The following DCHS2 variants were observed in gnomAD, a reference collection of about 807,000 sequenced individuals.
The protein encoded by DCHS2 is dachsous cadherin-related 2, also known as protocadherin-23.
In DCHS2, 142 loss-of-function variants were observed where a neutral mutation model predicts 182.4. The ratio of observed to expected loss-of-function variants is 0.78; its 90% CI spans 0.68 to 0.89. The LOEUF is 0.89. Among genes scored for constraint, DCHS2 ranks in the 40% least tolerant of loss-of-function variants. The pLI is 0.00. For missense variants in DCHS2, 4,319 were observed against 4,198.6 expected, an observed-to-expected ratio of 1.03 and a Z score of -0.79; for synonymous variants, 1,740 against 1,663.3, an observed-to-expected ratio of 1.05 and a Z score of -1.12.
intron 1 of DCHS2, among the ~76,000 whole-genome samples, chr4:154,445,541 TG>T (rs1487327713): frequency 6.6e-6 from 1 of 152,200 alleles, no homozygotes; most frequent in Non-Finnish European, 1.5e-5. Flanking sequence ...CCGGGCATGG[TG>T]GTTCACACTT....
chr4:154,325,575 A>G (rs1223726646), intron 7 of DCHS2, among the ~76,000 whole-genome samples: 1 of 152,134 alleles, frequency 6.6e-6, no homozygotes. Context: ...GAAATTTGAG[A>G]AGTAACAAAA....
At chr4:154,419,626 G>A (rs1373257418) in intron 1 of DCHS2, among the ~76,000 whole-genome samples, 1 of 133,362 alleles carries the variant, frequency 7.5e-6, no homozygotes, top group African/African-American at 2.8e-5. Context: ...TTCCAGCCTG[G>A]GCAAAAGAAA....
intron 10 of DCHS2, among the ~76,000 whole-genome samples, chr4:154,309,132 G>T (rs1735575407): frequency 6.6e-6 from 1 of 152,048 alleles, no homozygotes; most frequent in Non-Finnish European, 1.5e-5. Flanking sequence ...GCATCTTTCT[G>T]CTGAGGCCTT....
chr4:154,389,536 A>ATATATATATATATATATATATATATAT (rs1485000004), intron 1 of DCHS2, among the ~76,000 whole-genome samples: 112 of 144,440 alleles, frequency 7.8e-4, no homozygotes, highest in Non-Finnish European at 1.3e-3. Context: ...ATATATATAT[A>ATATATATATATATATATATATATATAT]ACCTTTTTTT....
At chr4:154,459,448 CT>C (rs1337143175) in intron 1 of DCHS2, among the ~76,000 whole-genome samples, 1 of 152,052 alleles carries the variant, frequency 6.6e-6, no homozygotes, top group African/African-American at 2.4e-5. Flanking sequence ...AGTTTTTGCT[CT>C]TCTCTTCTCA....
At chr4:154,255,414 C>T (rs1425928943) in intron 16 of DCHS2, 105 bp downstream of exon 16, 2 of 1,416,108 alleles carry the variant, frequency 1.4e-6, no homozygotes, top group Non-Finnish European at 1.9e-6. Flanking sequence ...AGGGATAACA[C>T]ATTTTACAAT....
chr4:154,421,712 G>A (rs745874322), intron 1 of DCHS2, among the ~76,000 whole-genome samples: 12 of 152,156 alleles, frequency 7.9e-5, no homozygotes, highest in Admixed American at 3.3e-4. Context: ...GTTTAAACAC[G>A]CTTTCGTCTG....
At chr4:154,292,895 A>G (rs963497848) in intron 13 of DCHS2, among the ~76,000 whole-genome samples, 1 of 152,126 alleles carries the variant, frequency 6.6e-6, no homozygotes, top group Non-Finnish European at 1.5e-5. Flanking sequence ...CCCCTGCTCT[A>G]TATTAAATAT....
At chr4:154,320,223 A>G (rs886451595) in intron 9 of DCHS2, among the ~76,000 whole-genome samples, 156 bp downstream of exon 9, 2 of 152,226 alleles carry the variant, frequency 1.3e-5, no homozygotes, top group African/African-American at 4.8e-5. Flanking sequence ...TCAGTTAAGC[A>G]AGGTAAATAA....
intron 2 of DCHS2, among the ~76,000 whole-genome samples, chr4:154,368,444 C>A (rs1730494322): frequency 6.6e-6 from 1 of 150,946 alleles, no homozygotes; most frequent in African/African-American, 2.4e-5. Flanking sequence ...TATTTAAGAA[C>A]AAAGATCCTA....
chr4:154,289,278 T>C (rs975593286), intron 13 of DCHS2, among the ~76,000 whole-genome samples: 1 of 151,906 alleles, frequency 6.6e-6, no homozygotes, highest in Non-Finnish European at 1.5e-5. Context: ...CTACATAAAT[T>C]TAAAGGATCA....
In DCHS2 at chr4:154,322,563, A is replaced by G. The variant is rs934560766; in HGVS notation, c.4019-75T>C. 14 of 1,456,770 alleles carry G rather than the reference A, an allele frequency of 9.6e-6. No homozygotes were observed. The African/African-American group carries it at 1.3e-4, about 13-fold the overall frequency. The allele number at this position is 1,456,770 out of a possible 1,614,324, so 90.2% of individuals were successfully genotyped here. On this transcript the variant is annotated intron_variant, in intron 7 of 19. Coordinates refer to ENST00000357232, the MANE Select transcript of DCHS2 (RefSeq NM_001358235.2). Reference sequence around the variant, plus strand: ...AACAGAAAATCAATTAATCCAATATATCGATCATTTGGAAGATTTGTTTGC... The same window carrying G: ...AACAGAAAATCAATTAATCCAATATGTCGATCATTTGGAAGATTTGTTTGC...
intron 3 of DCHS2, among the ~76,000 whole-genome samples, chr4:154,362,861 C>G (rs2110760992): frequency 6.6e-6 from 1 of 152,246 alleles, no homozygotes; most frequent in South Asian, 2.1e-4. Flanking sequence ...CTTCCCATCT[C>G]TAGCTAACTT....
Position 154,298,320 on chromosome 4 carries a change from T to G in DCHS2, c.5994A>C (p.Glu1998Asp), listed in dbSNP as rs1397612051. The G allele has an allele frequency of 6.2e-7, 1 of 1,614,210 alleles. No individual in the cohort carries two copies. The highest frequency in any genetic ancestry group is 1.1e-5 in the South Asian group (1 of 91,084). Residue 1998 changes from glutamate (E) to aspartate (D), a missense_variant, in exon 13 of 20, where the codon GAA becomes GAC. Glu to Asp is a conservative substitution (Grantham distance 45, BLOSUM62 2). Coordinates refer to ENST00000357232, the MANE Select transcript of DCHS2 (RefSeq NM_001358235.2). ...CACTAAATGTATGCTGAGATCTGGCTTCACGGTCGAGGGTGTTGCTGGTTT... is the reference window on the plus strand; with the variant it reads ...CACTAAATGTATGCTGAGATCTGGCGTCACGGTCGAGGGTGTTGCTGGTTT... The part of the protein sequence containing the change: ...TLKTSNTLDR[E>D]ARSQHTFSAV...
chr4:154,371,206 A>AG (rs1730628949), intron 2 of DCHS2, among the ~76,000 whole-genome samples: 1 of 148,572 alleles, frequency 6.7e-6, no homozygotes, highest in Non-Finnish European at 1.5e-5. Context: ...CATGACAGGA[A>AG]AAAAAAAAAA....
chr4:154,285,556 A>T (rs1023530035), intron 13 of DCHS2, among the ~76,000 whole-genome samples: 24 of 152,154 alleles, frequency 1.6e-4, no homozygotes, highest in Admixed American at 1.4e-3. Flanking sequence ...CTGAGTAAAG[A>T]TTCCTTTGGC....
intron 19 of DCHS2, among the ~76,000 whole-genome samples, chr4:154,238,705 A>G (rs1731654273): frequency 6.6e-6 from 1 of 152,176 alleles, no homozygotes; most frequent in Non-Finnish European, 1.5e-5. Context: ...TCCTTTTAAA[A>G]TTATTCTTGT....
In DCHS2 at chr4:154,255,603, T is replaced by G. The variant is rs1306138707; in HGVS notation, c.6857A>C (p.Gln2286Pro). ...LIEYSILSGN[Q>P]EEAFQIDALS... ...TGCATCAATCTGGAATGCTTCTTCT[T>G]GGTTGCCAGACAGAATAGAATACTC... The change falls in exon 16 of 20, where the codon CAA becomes CCA. Residue 2286 changes from glutamine (Q) to proline (P), a missense_variant. By Grantham distance (76) the Gln-to-Pro change is moderately conservative. Coordinates refer to ENST00000357232, the MANE Select transcript of DCHS2 (RefSeq NM_001358235.2). 3.7e-6 allele frequency: 6 copies of G among 1,614,048 alleles called. No individual in the cohort carries two copies. The highest frequency in any genetic ancestry group is 2.2e-5 in the South Asian group (2 of 91,076).
At chr4:154,249,079 T>A (rs1328533434) in intron 16 of DCHS2, among the ~76,000 whole-genome samples, 2 of 152,096 alleles carry the variant, frequency 1.3e-5, no homozygotes, top group African/African-American at 4.8e-5. Context: ...AAACAAAAAT[T>A]GACAGATGGG....
Sources: allele counts gnomAD v4.1 joint callset (sites outside exome capture counted in the v4.1 genomes callset), GRCh38; gene constraint gnomAD v4.1.1; transcripts MANE v1.5; gene names NCBI Gene and HGNC (gene_info 2026-07-23, HGNC 2026-07-21).